The following NHSL1 variants were observed in gnomAD, a reference collection of about 807,000 sequenced individuals.
NHSL1 encodes the protein NHS-like protein 1.
A neutral mutation model predicts 95.0 loss-of-function variants in NHSL1; 48 were observed. That is an observed-to-expected ratio of 0.51 (90% confidence interval 0.40 to 0.64). The LOEUF is 0.64. Among genes scored for constraint, NHSL1 ranks in the 30% least tolerant of loss-of-function variants. NHSL1 has a pLI of 0.00. For synonymous variants in NHSL1, 783 were observed against 833.9 expected (o/e 0.94, Z 1.05); for missense variants, 1,971 against 2,077.7 (o/e 0.95, Z 1.00).
upstream of NHSL1, among the ~76,000 whole-genome samples, chr6:138,501,798 TA>T (rs1294084993): frequency 6.6e-6 from 1 of 152,228 alleles, no homozygotes; most frequent in Non-Finnish European, 1.5e-5. Flanking sequence ...GTCCCTGATA[TA>T]AAATACTGTA....
At chr6:138,562,862 A>G (rs2114318305) in intron 1 of NHSL1, among the ~76,000 whole-genome samples, 1 of 152,246 alleles carries the variant, frequency 6.6e-6, no homozygotes, top group East Asian at 1.9e-4. Context: ...TACGGCTTCG[A>G]CCGAGTATTC....
intron 1 of NHSL1, among the ~76,000 whole-genome samples, chr6:138,625,299 C>G (rs532970965): frequency 6.6e-6 from 1 of 152,032 alleles, no homozygotes; most frequent in Non-Finnish European, 1.5e-5. Context: ...TGCGCCACCA[C>G]GCCTGACTAA....
chr6:138,506,253 G>A (rs1034196493), intron 1 of NHSL1, among the ~76,000 whole-genome samples: 5 of 152,188 alleles, frequency 3.3e-5, no homozygotes, highest in African/African-American at 1.2e-4. Flanking sequence ...GTTAACTCTT[G>A]AAGGTAAGAA....
At chr6:138,481,953 A>G (rs1252962578) in intron 2 of NHSL1, among the ~76,000 whole-genome samples, 2 of 152,202 alleles carry the variant, frequency 1.3e-5, no homozygotes, top group Non-Finnish European at 2.9e-5. Context: ...TAAGCCCAAG[A>G]CTTTCTAAAA....
intron 3 of NHSL1, among the ~76,000 whole-genome samples, chr6:138,462,415 C>T (rs182831621): frequency 6.6e-6 from 1 of 152,258 alleles, no homozygotes; most frequent in Admixed American, 6.5e-5. Flanking sequence ...AGAGAGAGGG[C>T]AGAAACTCAC....
chr6:138,639,328 C>G (rs546140870), intron 1 of NHSL1, among the ~76,000 whole-genome samples: 2 of 151,754 alleles, frequency 1.3e-5, no homozygotes, highest in African/African-American at 4.9e-5. Context: ...AACTTTTATT[C>G]ATTGATTTTT....
chr6:138,458,493 G>A (rs567443949), intron 3 of NHSL1, among the ~76,000 whole-genome samples: 1 of 152,162 alleles, frequency 6.6e-6, no homozygotes, highest in African/African-American at 2.4e-5. Flanking sequence ...GGGGGTTCGA[G>A]ACCAGCCTGG....
Position 138,433,486 on chromosome 6 carries a change from T to G in NHSL1, c.859A>C (p.Ile287Leu). Residue 287 changes from isoleucine (I) to leucine (L), a missense_variant, in exon 6 of 8, where the codon ATT becomes CTT. Ile to Leu is a conservative substitution (Grantham distance 5). Around this residue, in one of 3 missense-constraint regions of NHSL1, gnomAD observed 1,602 missense variants for 1,654.5 expected, o/e 0.97. Coordinates refer to ENST00000343505, the MANE Select transcript of NHSL1 (RefSeq NM_001144060.2). ...GAGAAGTGGCCCATCTGGGCAGCAA[T>G]GCCTTGCCCCTTCTGTGCCCTGATT... ...RRIRAQKGQG[I>L]AAQMGHFSGS... 6 of 1,552,150 alleles carry G rather than the reference T, an allele frequency of 3.9e-6. No homozygotes were observed. Among genetic ancestry groups the G allele is most frequent in the Non-Finnish European group, 4.4e-6 (5 of 1,147,104 alleles).
At chr6:138,469,584 G>A in intron 3 of NHSL1, among the ~76,000 whole-genome samples, 1 of 152,006 alleles carries the variant, frequency 6.6e-6, no homozygotes, top group East Asian at 1.9e-4. Context: ...AATCAGCTGG[G>A]CGTGGTGATG....
chr6:138,518,963 A>C (rs1781563464), intron 1 of NHSL1, among the ~76,000 whole-genome samples: 1 of 152,222 alleles, frequency 6.6e-6, no homozygotes. Flanking sequence ...GGATGCAGTG[A>C]GCCAAGATCG....
intron 1 of NHSL1, among the ~76,000 whole-genome samples, chr6:138,506,007 T>C (rs770811722): frequency 3.3e-5 from 5 of 152,230 alleles, no homozygotes; most frequent in Admixed American, 1.3e-4. Context: ...TTTAAATCTA[T>C]AGACACACCC....
chr6:138,595,021 C>T (rs1390368885), intron 1 of NHSL1, among the ~76,000 whole-genome samples: 2 of 152,128 alleles, frequency 1.3e-5, no homozygotes, highest in Admixed American at 6.6e-5. Context: ...ATGTCTTGGA[C>T]CTTTGCAAGT....
intron 1 of NHSL1, among the ~76,000 whole-genome samples, chr6:138,569,814 A>C (rs1475812611): frequency 6.6e-6 from 1 of 152,306 alleles, no homozygotes; most frequent in East Asian, 1.9e-4. Flanking sequence ...TTGATGTATA[A>C]GCAGCTTTTT....
chr6:138,689,772 C>T (rs1371477702), intron 1 of NHSL1, among the ~76,000 whole-genome samples: 1 of 150,694 alleles, frequency 6.6e-6, no homozygotes, highest in African/African-American at 2.5e-5. Context: ...AAACTTTGCT[C>T]CCCATTTCCA....
At chr6:138,536,543 T>TGCATTCAA (rs1479993746) in intron 1 of NHSL1, among the ~76,000 whole-genome samples, 1 of 151,588 alleles carries the variant, frequency 6.6e-6, no homozygotes, top group Non-Finnish European at 1.5e-5. Flanking sequence ...TTTAATCATC[T>TGCATTCAA]GCATTCAATC....
intron 1 of NHSL1, among the ~76,000 whole-genome samples, chr6:138,656,296 T>C (rs2114721119): frequency 6.6e-6 from 1 of 152,342 alleles, no homozygotes; most frequent in Non-Finnish European, 1.5e-5. Flanking sequence ...AAAATAAGAA[T>C]TAAAAATGCA....
rs1775872687 is a variant in NHSL1, at chr6:138,433,681, C to G, written c.665-1G>C. ...GCATCATCTTGGCCAGTGCCTGATG[C>G]TGGAGATAAAGCAGAAAGAGGCTTG... On this transcript the variant is annotated splice_acceptor_variant, in intron 5 of 7. Transcript: ENST00000343505. LOFTEE classifies it high-confidence loss of function. 1 of 1,521,944 alleles carries G rather than the reference C, an allele frequency of 6.6e-7. No homozygotes were observed. The highest frequency in any genetic ancestry group is 8.9e-7 in the Non-Finnish European group (1 of 1,126,720). 94.3% of individuals were successfully genotyped at this position (1,521,944 alleles called of 1,614,324 possible).
At chr6:138,457,784 C>T (rs1051062670) in intron 3 of NHSL1, among the ~76,000 whole-genome samples, 5 of 151,924 alleles carry the variant, frequency 3.3e-5, no homozygotes, top group African/African-American at 1.2e-4. Context: ...CCGAGGTGGG[C>T]GGATCACGAG....
intron 3 of NHSL1, among the ~76,000 whole-genome samples, chr6:138,457,512 A>G (rs1300359065): frequency 6.6e-6 from 1 of 152,196 alleles, no homozygotes; most frequent in African/African-American, 2.4e-5. Flanking sequence ...CCTTTGCCAT[A>G]TTAGCAACTC....
Sources: allele counts gnomAD v4.1 joint callset (sites outside exome capture counted in the v4.1 genomes callset), GRCh38; gene constraint gnomAD v4.1.1; regional missense constraint gnomAD v4.1.1; transcripts MANE v1.5; gene names NCBI Gene and HGNC (gene_info 2026-07-23, HGNC 2026-07-21).